The following ANXA4 variants were observed in gnomAD, a reference collection of about 807,000 sequenced individuals.
ANXA4 encodes the protein annexin A4.
Under a neutral mutation model 49.8 loss-of-function variants are expected in ANXA4, and 39 were observed. The ratio of observed to expected loss-of-function variants is 0.78; its 90% CI spans 0.61 to 1.02. ANXA4 has a LOEUF of 1.02. ANXA4 is among the 50% of genes least tolerant of loss of function. The pLI is 0.00. For synonymous variants in ANXA4, 134 were observed against 152.5 expected (o/e 0.88, Z 0.89); for missense variants, 360 against 410.1 (o/e 0.88, Z 1.05).
intron 1 of ANXA4, among the ~76,000 whole-genome samples, chr2:69,751,455 C>T (rs1670837120): frequency 1.4e-5 from 2 of 147,946 alleles, no homozygotes; most frequent in East Asian, 3.9e-4. Context: ...TTGCAGTGAG[C>T]CAAGATCGTG....
chr2:69,808,979 A>G (rs1673577437), intron 6 of ANXA4: 1 of 152,154 alleles, frequency 6.6e-6, no homozygotes, highest in Non-Finnish European at 1.5e-5. Context: ...CTATTAAAAT[A>G]TTTATTAAAT....
chr2:69,645,138 A>G (rs1675956701), intron 1 of ANXA4, among the ~76,000 whole-genome samples: 1 of 152,114 alleles, frequency 6.6e-6, no homozygotes, highest in South Asian at 2.1e-4. Flanking sequence ...AGGGAAAAAA[A>G]TGGTTCTTGC....
chr2:69,722,667 G>A (rs1669845141), intron 3 of ANXA4, among the ~76,000 whole-genome samples: 1 of 151,924 alleles, frequency 6.6e-6, no homozygotes. Flanking sequence ...TCTGTTGGGG[G>A]TGATGAAAAG....
intron 3 of ANXA4, among the ~76,000 whole-genome samples, chr2:69,728,767 A>G (rs1489503223): frequency 6.6e-6 from 1 of 152,080 alleles, no homozygotes; most frequent in Non-Finnish European, 1.5e-5. Context: ...TAAGTGTCAT[A>G]TTGTTGAGTC....
intron 2 of ANXA4, among the ~76,000 whole-genome samples, chr2:69,713,231 T>C (rs1678734156): frequency 6.6e-6 from 1 of 151,906 alleles, no homozygotes; most frequent in Non-Finnish European, 1.5e-5. Context: ...AGGGAGCCCC[T>C]CTATCTCCAT....
chr2:69,738,970 GT>G (rs1350736778), upstream of ANXA4, among the ~76,000 whole-genome samples: 1 of 152,198 alleles, frequency 6.6e-6, no homozygotes, highest in Non-Finnish European at 1.5e-5. Context: ...TGTTGGGATG[GT>G]TTTTTAGGCA....
chr2:69,727,494 A>G (rs1235918982), intron 3 of ANXA4, among the ~76,000 whole-genome samples: 2 of 151,970 alleles, frequency 1.3e-5, no homozygotes, highest in Admixed American at 1.3e-4. Context: ...TGCCCTGAAG[A>G]CTAATCAAGT....
chr2:69,801,798 G>A (rs1673205524), intron 3 of ANXA4, among the ~76,000 whole-genome samples: 1 of 152,152 alleles, frequency 6.6e-6, no homozygotes, highest in South Asian at 2.1e-4. Context: ...AGCTTTCTGA[G>A]AAAGCAGGTA....
intron 3 of ANXA4, among the ~76,000 whole-genome samples, chr2:69,800,453 A>G (rs968062372): frequency 2.6e-5 from 4 of 152,216 alleles, no homozygotes; most frequent in African/African-American, 2.4e-5. Flanking sequence ...AAGGATTATA[A>G]TCCCTAGTTC....
chr2:69,777,385 G>GC (rs912215610), intron 1 of ANXA4, among the ~76,000 whole-genome samples: 9 of 152,146 alleles, frequency 5.9e-5, no homozygotes, highest in African/African-American at 2.2e-4. Flanking sequence ...AGGGCAACCA[G>GC]CCCCCCATCC....
intron 2 of ANXA4, among the ~76,000 whole-genome samples, chr2:69,683,420 A>C (rs1268996162): frequency 1.3e-5 from 2 of 152,210 alleles, no homozygotes; most frequent in Non-Finnish European, 2.9e-5. Context: ...ATCTCAGTTC[A>C]GATAGCTTTG....
At chr2:69,718,819 CACATGCACACACATAT>C (rs1443192442) in intron 2 of ANXA4, among the ~76,000 whole-genome samples, 1 of 150,416 alleles carries the variant, frequency 6.6e-6, no homozygotes, top group African/African-American at 2.5e-5. Context: ...ACATGCTGCA[CACATGCACACACATAT>C]ACATGCACAC....
At chr2:69,722,398 A>C (rs1669838527) in intron 3 of ANXA4, among the ~76,000 whole-genome samples, 2 of 152,268 alleles carry the variant, frequency 1.3e-5, no homozygotes, top group African/African-American at 4.8e-5. Flanking sequence ...AATGGATCAG[A>C]ATATGGTATG....
intron 11 of ANXA4, among the ~76,000 whole-genome samples, chr2:69,820,011 T>G (rs1425460056): frequency 6.6e-6 from 1 of 150,602 alleles, no homozygotes; most frequent in Non-Finnish European, 1.5e-5. Context: ...GAGGTTGCAG[T>G]GAGCTGAAAT....
At chr2:69,799,334 C>T (rs1176616027) in intron 3 of ANXA4, among the ~76,000 whole-genome samples, 1 of 152,134 alleles carries the variant, frequency 6.6e-6, no homozygotes, top group East Asian at 1.9e-4. Context: ...CTTATTAAGA[C>T]CCACTGTTTT....
At chr2:69,690,164 G>T (rs1236091093) in intron 2 of ANXA4, among the ~76,000 whole-genome samples, 2 of 152,116 alleles carry the variant, frequency 1.3e-5, no homozygotes, top group African/African-American at 4.8e-5. Context: ...GGAAATTTTA[G>T]CATGGTCAGC....
At chr2:69,727,916 CTGTCTTTCG>C (rs1670001991) in intron 3 of ANXA4, among the ~76,000 whole-genome samples, 1 of 152,210 alleles carries the variant, frequency 6.6e-6, no homozygotes, top group African/African-American at 2.4e-5. Context: ...GTTCTTCAGT[CTGTCTTTCG>C]TGACCTTAAC....
chr2:69,685,248 T>C (rs1190349893), intron 2 of ANXA4, among the ~76,000 whole-genome samples: 1 of 152,090 alleles, frequency 6.6e-6, no homozygotes, highest in Non-Finnish European at 1.5e-5. Context: ...TAAAAACAAG[T>C]CAGGGCTAAT....
intron 12 of ANXA4, among the ~76,000 whole-genome samples, chr2:69,823,882 G>A (rs1674349806): frequency 6.6e-6 from 1 of 152,102 alleles, no homozygotes; most frequent in East Asian, 1.9e-4. Flanking sequence ...CCTATATACA[G>A]AGATTCCATC....
Sources: allele counts gnomAD v4.1 joint callset (sites outside exome capture counted in the v4.1 genomes callset), GRCh38; gene constraint gnomAD v4.1.1; transcripts MANE v1.5; gene names NCBI Gene and HGNC (gene_info 2026-07-23, HGNC 2026-07-21).